Variants in GPHN observed in about 807,000 individuals in gnomAD.
The protein encoded by GPHN is gephyrin.
A neutral mutation model predicts 95.5 loss-of-function variants in GPHN; 17 were observed. The observed-to-expected ratio is 0.18, with a 90% CI of 0.12 to 0.27. GPHN has a LOEUF of 0.27. GPHN is among the 10% of genes least tolerant of loss of function. The pLI is 1.00. For synonymous variants in GPHN, 320 were observed against 322.5 expected (o/e 0.99, Z 0.08); for missense variants, 660 against 978.1 (o/e 0.67, Z 4.34).
intron 1 of GPHN, among the ~76,000 whole-genome samples, chr14:66,648,297 T>C (rs2064860693): frequency 6.6e-6 from 1 of 152,194 alleles, no homozygotes; most frequent in Non-Finnish European, 1.5e-5. Context: ...TGAATATTAC[T>C]GTAAATCATT....
intron 8 of GPHN, among the ~76,000 whole-genome samples, chr14:66,940,948 G>GC (rs1174262602): frequency 6.6e-6 from 1 of 152,194 alleles, no homozygotes; most frequent in East Asian, 1.9e-4. Flanking sequence ...AGATTTGGGT[G>GC]CATGGTGCTT....
chr14:67,386,177 A>C, the GPHN span: 1 of 152,662 alleles, frequency 6.6e-6, no homozygotes, highest in East Asian at 1.9e-4. Context: ...AAAAAAACTA[A>C]TTCCAGGGAC....
the GPHN span, among the ~76,000 whole-genome samples, chr14:67,300,242 T>G: frequency 1.4e-4 from 21 of 152,244 alleles, no homozygotes; most frequent in Non-Finnish European, 2.8e-4. Context: ...CCCAAAATTA[T>G]CATCTCTTGG....
intron 1 of GPHN, among the ~76,000 whole-genome samples, chr14:66,664,225 G>A (rs529296192): frequency 2.2e-4 from 33 of 152,144 alleles, no homozygotes; most frequent in African/African-American, 5.1e-4. Flanking sequence ...TCACATAATC[G>A]GAAGTAAAAC....
the GPHN span, among the ~76,000 whole-genome samples, chr14:67,658,024 C>T: frequency 6.6e-6 from 1 of 152,180 alleles, no homozygotes; most frequent in Admixed American, 6.5e-5. Context: ...GCTGGGATTA[C>T]AGGCGTAAGC....
chr14:67,397,811 TGTG>T, the GPHN span: 1 of 1,611,066 alleles, frequency 6.2e-7, no homozygotes, highest in Non-Finnish European at 8.5e-7. Context: ...GCCTTCCAGT[TGTG>T]GACAATGTGG....
chr14:66,741,884 T>C (rs2072820933), intron 2 of GPHN, among the ~76,000 whole-genome samples: 1 of 152,200 alleles, frequency 6.6e-6, no homozygotes, highest in Non-Finnish European at 1.5e-5. Context: ...TAAAAACCCG[T>C]TGTCTTTATC....
chr14:67,125,078 AC>A (rs1482424468), intron 17 of GPHN, among the ~76,000 whole-genome samples: 2 of 152,138 alleles, frequency 1.3e-5, no homozygotes, highest in Non-Finnish European at 2.9e-5. Context: ...TCTAGTGTAT[AC>A]CCTTTTCTTG....
chr14:66,738,511 A>C (rs1239804843), intron 2 of GPHN, among the ~76,000 whole-genome samples: 5 of 152,138 alleles, frequency 3.3e-5, no homozygotes, highest in Non-Finnish European at 7.4e-5. Context: ...TGCATTGTTG[A>C]TTCTTGATTT....
At chr14:67,039,459 T>G (rs1164184569) in intron 10 of GPHN, among the ~76,000 whole-genome samples, 1 of 152,170 alleles carries the variant, frequency 6.6e-6, no homozygotes, top group East Asian at 1.9e-4. Flanking sequence ...GTGTGTTCCT[T>G]GAAAGACTGT....
the GPHN span, chr14:67,578,757 G>T: frequency 1.4e-6 from 1 of 704,482 alleles, no homozygotes; most frequent in East Asian, 2.7e-5. The surrounding 1 kb of genome is among the most constrained non-coding windows in gnomAD (Gnocchi z 5.0). Context: ...AGTGGTCGTG[G>T]AGACTTCACC....
chr14:66,824,385 T>G, intron 3 of GPHN, 89 bp from the exon 4 acceptor site: 1 of 703,780 alleles, frequency 1.4e-6, no homozygotes. Context: ...CTGTGTTTCC[T>G]CGTTGAATAC....
chr14:66,513,678 A>G (rs1594779481), intron 1 of GPHN, among the ~76,000 whole-genome samples: 1 of 152,054 alleles, frequency 6.6e-6, no homozygotes, highest in African/African-American at 2.4e-5. Context: ...TAACCTACTT[A>G]AAAGTAATTG....
At chr14:67,659,713 A>T in the GPHN span, 7 of 1,572,372 alleles carry the variant, frequency 4.5e-6, no homozygotes, top group Non-Finnish European at 6.0e-6. Context: ...AAAAACAAAC[A>T]AAACAGCTAA....
chr14:67,079,114 T>C (rs551091277), intron 11 of GPHN, among the ~76,000 whole-genome samples: 4 of 152,208 alleles, frequency 2.6e-5, no homozygotes, highest in Admixed American at 2.6e-4. Context: ...AGATGGTATA[T>C]GTGTGCTATA....
chr14:67,058,033 A>C (rs1468127756), intron 10 of GPHN, among the ~76,000 whole-genome samples: 3 of 152,118 alleles, frequency 2.0e-5, no homozygotes, highest in Non-Finnish European at 4.4e-5. Flanking sequence ...GCCTATCACA[A>C]AAAAAAACTG....
chr14:66,808,767 A>T (rs1020598573), intron 3 of GPHN, among the ~76,000 whole-genome samples: 11 of 152,322 alleles, frequency 7.2e-5, no homozygotes, highest in Non-Finnish European at 1.2e-4. Context: ...ACTGCACTCC[A>T]GTCTGGGCAA....
the GPHN span, among the ~76,000 whole-genome samples, chr14:67,289,703 G>A: frequency 6.7e-6 from 1 of 150,086 alleles, no homozygotes; most frequent in South Asian, 2.1e-4. Flanking sequence ...AGTCAGTGGT[G>A]TTTCTGCAGA....
At chr14:67,183,213 T>G (rs890759677), downstream of GPHN, among the ~76,000 whole-genome samples, 1 of 152,212 alleles carries the variant, frequency 6.6e-6, no homozygotes, top group Non-Finnish European at 1.5e-5. Context: ...GCAGTGCTTG[T>G]CATGTATTAA....
Sources: gnomAD v4.1 joint callset for allele counts (sites outside exome capture counted in the v4.1 genomes callset) on GRCh38, gnomAD v4.1.1 for gene constraint, Gnocchi (gnomAD v3.1) non-coding constraint, MANE v1.5 for transcripts, NCBI Gene and HGNC (gene_info 2026-07-23, HGNC 2026-07-21) for gene names.